Variants in SYNE2 observed in about 807,000 individuals in gnomAD.
The protein encoded by SYNE2 is spectrin repeat containing nuclear envelope protein 2, also known as nesprin-2.
Under a neutral mutation model 856.3 loss-of-function variants are expected in SYNE2, and 431 were observed. The ratio of observed to expected loss-of-function variants is 0.50; its 90% CI spans 0.47 to 0.55. SYNE2 has a LOEUF of 0.55. Ranked by LOEUF, SYNE2 falls within the 20% of genes least tolerant of loss-of-function variation. The probability of loss-of-function intolerance (pLI) is 0.00; values close to 1 mark genes in which losing one functional copy is unlikely to be tolerated. For missense variants in SYNE2, 8,129 were observed against 8,023.2 expected (o/e 1.01, Z -0.50); for synonymous variants, 2,923 against 2,872.3 (o/e 1.02, Z -0.56).
chr14:63,902,785 C>T (rs2095356349), intron 1 of SYNE2, among the ~76,000 whole-genome samples: 2 of 152,056 alleles, frequency 1.3e-5, no homozygotes, highest in Non-Finnish European at 2.9e-5. Flanking sequence ...CCTTGACCTC[C>T]TGGCCTCAAG....
chr14:63,762,183 G>A (rs1023851590), intron 1 of SYNE2: 7 of 253,060 alleles, frequency 2.8e-5, no homozygotes, highest in African/African-American at 4.5e-5. Flanking sequence ...TGTAATCCCA[G>A]CACTTTTGGG....
intron 69 of SYNE2, 63 bp from the exon 70 acceptor site, chr14:64,122,223 G>C: frequency 1.9e-6 from 3 of 1,613,976 alleles, no homozygotes; most frequent in Non-Finnish European, 2.5e-6. Context: ...TCATAGAACT[G>C]TGAATGTAAT....
intron 67 of SYNE2, among the ~76,000 whole-genome samples, chr14:64,120,628 G>T (rs2097891115): frequency 6.6e-6 from 1 of 152,136 alleles, no homozygotes; most frequent in African/African-American, 2.4e-5. Flanking sequence ...GCTGGGTGTG[G>T]TGGGCACAAC....
In SYNE2 at chr14:64,163,463, A is replaced by C. The variant is rs774003802; in HGVS notation, c.16361A>C (p.Asp5454Ala). The C allele has an allele frequency of 6.2e-6, 10 of 1,614,034 alleles. No homozygotes were observed. Among genetic ancestry groups the C allele is most frequent in the Non-Finnish European group, 7.6e-6 (9 of 1,180,040 alleles). Residue 5454 changes from aspartate (D) to alanine (A), a missense_variant, in exon 89 of 116, where the codon GAT (aspartate) becomes GCT (alanine). Coordinates refer to ENST00000555002, the MANE Select transcript of SYNE2 (RefSeq NM_182914.3). Reference sequence around the variant, plus strand: ...TTTCTCCAAAATTCCAGTGTCCTGGATCGACTCCCACAACCCGCAGAGTCC... The same window carrying C: ...TTTCTCCAAAATTCCAGTGTCCTGGCTCGACTCCCACAACCCGCAGAGTCC... ...EAFLQNSSVL[D>A]RLPQPAESST...
chr14:63,811,038 T>A (rs1595132859), intron 1 of SYNE2, among the ~76,000 whole-genome samples: 2 of 152,232 alleles, frequency 1.3e-5, no homozygotes, highest in South Asian at 4.1e-4. Context: ...GGTTTCACCG[T>A]GTTAGACAGG....
chr14:63,923,730 C>T (rs984385278), intron 2 of SYNE2, among the ~76,000 whole-genome samples: 3 of 152,004 alleles, frequency 2.0e-5, no homozygotes, highest in Non-Finnish European at 4.4e-5. Context: ...TGCAATTCAC[C>T]CATTTAAAGC....
At chr14:64,024,594 G>C (rs1380234612) in intron 39 of SYNE2, 135 bp downstream of exon 39, 4 of 892,052 alleles carry the variant, frequency 4.5e-6, no homozygotes, top group Non-Finnish European at 6.9e-6. Context: ...TTTCAATCCA[G>C]GTTTGGTGCT....
intron 81 of SYNE2, 72 bp from the exon 82 acceptor site, chr14:64,141,870 T>C: frequency 2.0e-6 from 3 of 1,535,474 alleles, no homozygotes; most frequent in Admixed American, 1.8e-5. Flanking sequence ...AAACCAGATA[T>C]CATCTTTAGT....
chr14:64,190,454 C>G (rs1261073726), intron 99 of SYNE2: 7 of 649,204 alleles, frequency 1.1e-5, no homozygotes, highest in Non-Finnish European at 1.9e-5. Flanking sequence ...TAGCTTACAA[C>G]TTTACATGAA....
At chr14:64,154,585 C>T (rs2153706629) in intron 85 of SYNE2, among the ~76,000 whole-genome samples, 1 of 151,862 alleles carries the variant, frequency 6.6e-6, no homozygotes, top group East Asian at 1.9e-4. Flanking sequence ...TTGAATTCAG[C>T]AGTTTAAGAC....
intron 2 of SYNE2, among the ~76,000 whole-genome samples, chr14:63,915,986 A>G (rs143380344): frequency 6.8e-4 from 103 of 152,242 alleles, no homozygotes; most frequent in African/African-American, 2.4e-3. Context: ...GGTGAACCCC[A>G]ATCATGCACA....
chr14:64,219,104 G>GT lies in SYNE2; in HGVS notation c.19658-84dup, dbSNP rs528002229. ...CAGGGGAATCCCCTACAGTTTTTTT[G>GT]TTTTTTTTTTTTTTTTTTTTAACCA... is the stretch of plus-strand genomic sequence containing the variant. On this transcript the variant is annotated intron_variant, in intron 109 of 115. Coordinates refer to ENST00000555002, the MANE Select transcript of SYNE2 (RefSeq NM_182914.3). The GT allele has an allele frequency of 0.042, 16,665 of 401,156 alleles. 258 individuals carry two copies. The highest frequency in any genetic ancestry group is 0.16 in the African/African-American group (4,688 of 30,186). 24.8% of individuals were successfully genotyped at this position (401,156 alleles called of 1,614,324 possible). A position where few individuals can be genotyped will look rare whatever the true frequency, so the allele number is the denominator to read the frequency against.
At chr14:63,778,352 G>C (rs1887185143) in intron 1 of SYNE2, among the ~76,000 whole-genome samples, 1 of 152,020 alleles carries the variant, frequency 6.6e-6, no homozygotes, top group Admixed American at 6.6e-5. Flanking sequence ...TTTAATAAAT[G>C]ACCCAGTCTT....
intron 84 of SYNE2, among the ~76,000 whole-genome samples, chr14:64,147,346 G>A (rs1732127884): frequency 6.6e-6 from 1 of 152,004 alleles, no homozygotes; most frequent in Non-Finnish European, 1.5e-5. Context: ...TGCTGCAGAG[G>A]GATATTTCTG....
chr14:64,121,226 A>T (rs1253739891), intron 68 of SYNE2, among the ~76,000 whole-genome samples, 165 bp downstream of exon 68: 1 of 152,082 alleles, frequency 6.6e-6, no homozygotes, highest in Non-Finnish European at 1.5e-5. Flanking sequence ...CCTGTTTCAA[A>T]AACCAAAAAA....
intron 32 of SYNE2, among the ~76,000 whole-genome samples, chr14:64,015,019 A>G (rs2096880512): frequency 6.9e-6 from 1 of 144,596 alleles, no homozygotes; most frequent in African/African-American, 2.5e-5. Flanking sequence ...ATGTGTATAT[A>G]TGTATATAAA....
intron 1 of SYNE2, among the ~76,000 whole-genome samples, chr14:63,807,388 G>A (rs534590520): frequency 1.3e-5 from 2 of 151,700 alleles, no homozygotes; most frequent in Non-Finnish European, 2.9e-5. Context: ...GGAATGACAG[G>A]TTGTTTCAGA....
At position 64,007,230 on chromosome 14, in the gene SYNE2, A is replaced by G; in HGVS notation, c.4577+8A>G. The G allele has an allele frequency of 6.2e-7, 1 of 1,613,432 alleles. No homozygotes were observed. The highest frequency in any genetic ancestry group is 8.5e-7 in the Non-Finnish European group (1 of 1,179,404). On this transcript the variant is annotated splice_region_variant and intron_variant, in intron 31 of 115. Transcript: ENST00000555002. The stretch of plus-strand genomic sequence containing the variant: ...AGCCTTGGTCACCGAATGGTAAGGA[A>G]AAAAAAGAATCCCTCTTGAATCTGA...
intron 1 of SYNE2, among the ~76,000 whole-genome samples, chr14:63,806,628 T>C (rs1251115853): frequency 1.3e-5 from 2 of 152,174 alleles, no homozygotes; most frequent in African/African-American, 4.8e-5. Context: ...TTTCAAGGAA[T>C]GCATCCATTT....
Sources: gnomAD v4.1 joint callset for allele counts (sites outside exome capture counted in the v4.1 genomes callset) on GRCh38, gnomAD v4.1.1 for gene constraint, MANE v1.5 for transcripts, NCBI Gene and HGNC (gene_info 2026-07-23, HGNC 2026-07-21) for gene names.